The following SHC2 variants were observed in gnomAD, a reference collection of about 807,000 sequenced individuals.
The protein encoded by SHC2 is SHC adaptor protein 2.
A neutral mutation model predicts 60.6 loss-of-function variants in SHC2; 62 were observed. The ratio of observed to expected loss-of-function variants is 1.02; its 90% CI spans 0.83 to 1.26. SHC2 has a LOEUF of 1.26. Among genes scored for constraint, SHC2 ranks in the 50% most tolerant of loss-of-function variants. SHC2 has a pLI of 0.00. For missense variants in SHC2, 873 were observed against 822.2 expected, an observed-to-expected ratio of 1.06 and a Z score of -0.76; for synonymous variants, 375 against 372.4, an observed-to-expected ratio of 1.01 and a Z score of -0.08.
At chr19:418,852 C>T (rs1974209309) in intron 12 of SHC2, 71 bp downstream of exon 12, 1 of 1,508,050 alleles carries the variant, frequency 6.6e-7, no homozygotes, top group South Asian at 1.2e-5. Flanking sequence ...TGAACCGGGT[C>T]TCAATTTTCA....
In SHC2 at chr19:434,488, GTGAGTGAAATCA is replaced by G. The variant is rs1249735900; in HGVS notation, c.1110+209_1110+220del. 6.4e-3 allele frequency among the ~76,000 whole-genome samples: 533 copies of G among 83,862 alleles called. 2 individuals carry two copies. Among genetic ancestry groups the G allele is most frequent in the African/African-American group, 0.023 (510 of 21,842 alleles). 55.0% of individuals were successfully genotyped at this position (83,862 alleles called of 152,430 possible). ...AGTGAGTGAGATCGTGAGTCTGTGA[GTGAGTGAAATCA>G]TGAGTGAGATCGTGAGCCTGTGAGA... On this transcript the variant is annotated intron_variant, in intron 8 of 12. Coordinates refer to ENST00000264554, the MANE Select transcript of SHC2 (RefSeq NM_012435.3).
chr19:459,824 G>A (rs1388689479), intron 1 of SHC2, among the ~76,000 whole-genome samples: 5 of 152,184 alleles, frequency 3.3e-5, no homozygotes, highest in African/African-American at 1.2e-4. Context: ...TGCAGCTGTA[G>A]GACAGCTGCT....
rs1365702561 is a variant in SHC2, at chr19:438,479, C to A, written c.720+239G>T. On this transcript the variant is annotated intron_variant, in intron 4 of 12. Coordinates refer to ENST00000264554, the MANE Select transcript of SHC2 (RefSeq NM_012435.3). This position sits in a 1 kb window ranked among gnomAD's most constrained non-coding sequence, Gnocchi z 5.0. The stretch of plus-strand genomic sequence containing the variant: ...GGGTGCTGAGCAGCGTCCCTGCCCC[C>A]ACCCACTCCATGCCAGGAGCGCCCC... Among the ~76,000 whole-genome samples the A allele has an allele frequency of 6.6e-6, 1 of 152,230 alleles. No individual in the cohort carries two copies. Among genetic ancestry groups the A allele is most frequent in the African/African-American group, 2.4e-5 (1 of 41,456 alleles).
intron 8 of SHC2, 46 bp from the exon 9 acceptor site, chr19:430,793 C>A (rs1401863109): frequency 6.3e-7 from 1 of 1,580,758 alleles, no homozygotes; most frequent in Admixed American, 1.7e-5. Context: ...GCAAGCCCCT[C>A]TTCCTGGCTC....
At chr19:448,049 G>A (rs1171246605) in intron 1 of SHC2, among the ~76,000 whole-genome samples, 1 of 152,200 alleles carries the variant, frequency 6.6e-6, no homozygotes, top group Non-Finnish European at 1.5e-5. Flanking sequence ...CGCAGGCAGC[G>A]CTTGGGCTGG....
chr19:424,875 C>T lies in SHC2; in HGVS notation c.1309+222G>A, dbSNP rs1341929545. Among the ~76,000 whole-genome samples, 1 of 152,200 alleles carries T rather than the reference C, an allele frequency of 6.6e-6. No individual in the cohort carries two copies. The highest frequency in any genetic ancestry group is 1.5e-5 in the Non-Finnish European group (1 of 68,030). ...TGGGCCTCCCCTGTCAGACTGGCCC[C>T]TTTTAAGGCAGAGTCCAGGACACCC... is the stretch of plus-strand genomic sequence containing the variant. On this transcript the variant is annotated intron_variant, in intron 10 of 12. Coordinates refer to ENST00000264554, the MANE Select transcript of SHC2 (RefSeq NM_012435.3). The surrounding 1 kb of genome is among the most constrained non-coding windows in gnomAD (Gnocchi z 4.5).
At chr19:455,271 G>A (rs998279714) in intron 1 of SHC2, among the ~76,000 whole-genome samples, 2 of 152,078 alleles carry the variant, frequency 1.3e-5, no homozygotes, top group African/African-American at 2.4e-5. Flanking sequence ...CAGGTCTGTG[G>A]TGACAGCCCT....
rs1296886181 is a variant in SHC2, at chr19:438,429, GGGGT to G, written c.720+285_720+288del. ...TGGATGTTGGGACGGACCACTCTCT[GGGGT>G]GGGGCGTCCTGGCCCCTGCAGGGTG... On this transcript the variant is annotated intron_variant, in intron 4 of 12. Transcript: ENST00000264554. This position sits in a 1 kb window ranked among gnomAD's most constrained non-coding sequence, Gnocchi z 5.0. Among the ~76,000 whole-genome samples, 5 of 152,198 alleles carry G rather than the reference GGGGT, an allele frequency of 3.3e-5. No homozygotes were observed. The highest frequency in any genetic ancestry group is 7.3e-5 in the Non-Finnish European group (5 of 68,034).
intron 1 of SHC2, among the ~76,000 whole-genome samples, chr19:458,566 TG>T (rs1975441940): frequency 1.4e-5 from 1 of 72,608 alleles, no homozygotes; most frequent in Non-Finnish European, 2.7e-5. Flanking sequence ...AAGCGGGTCC[TG>T]GGGAGGCGGA....
intron 8 of SHC2, among the ~76,000 whole-genome samples, chr19:433,474 G>A (rs76991089): frequency 1.5e-3 from 30 of 19,708 alleles, no homozygotes; most frequent in South Asian, 5.6e-3. Flanking sequence ...GAGTGAGATC[G>A]TGAGTGAGAG....
intron 1 of SHC2, among the ~76,000 whole-genome samples, chr19:452,789 G>A (rs1600323705): frequency 6.6e-6 from 1 of 152,318 alleles, no homozygotes; most frequent in East Asian, 1.9e-4. Context: ...GAATCACCTG[G>A]AGGACTCACA....
chr19:440,849 G>T lies in SHC2; in HGVS notation c.539+13C>A. ...CTCAGCCCTACGCGGCCAGGGCAGG[G>T]TTGGAGGCTCACCTGGTCACCTGCG... On this transcript the variant is annotated intron_variant, in intron 2 of 12. Coordinates refer to ENST00000264554, the MANE Select transcript of SHC2 (RefSeq NM_012435.3). This position sits in a 1 kb window ranked among gnomAD's most constrained non-coding sequence, Gnocchi z 7.0. 6.2e-7 allele frequency: 1 copy of T among 1,611,372 alleles called. No homozygotes were observed. The highest frequency in any genetic ancestry group is 8.5e-7 in the Non-Finnish European group (1 of 1,178,594).
chr19:458,051 G>T (rs1474557257), intron 1 of SHC2, among the ~76,000 whole-genome samples: 2 of 135,470 alleles, frequency 1.5e-5, no homozygotes, highest in African/African-American at 5.2e-5. Context: ...GGAGGCGGAA[G>T]CGGGTCTTGG....
rs766125504 is a variant in SHC2, at chr19:422,458, TGC to T, written c.1310-4_1310-3del. 6.4e-5 allele frequency: 98 copies of T among 1,534,390 alleles called. No homozygotes were observed. The highest frequency in any genetic ancestry group is 2.7e-4 in the South Asian group (21 of 78,660). On this transcript the variant is annotated splice_region_variant and splice_polypyrimidine_tract_variant and intron_variant, in intron 10 of 12. Transcript: ENST00000264554. This position sits in a 1 kb window ranked among gnomAD's most constrained non-coding sequence, Gnocchi z 5.0. ...ACTTCAGGGCATCCTCAAAGGGTCC[TGC>T]AGGCCAGGGACAGGAGTGCTGGGCA...
intron 2 of SHC2, chr19:439,382 C>A (rs1443560501): frequency 9.3e-6 from 3 of 322,904 alleles, no homozygotes; most frequent in African/African-American, 2.1e-5. Flanking sequence ...CCTCGGCCCA[C>A]AAGGAAGGCT....
chr19:420,546 C>A (rs1188420342), intron 11 of SHC2, among the ~76,000 whole-genome samples: 2 of 152,178 alleles, frequency 1.3e-5, no homozygotes, highest in Non-Finnish European at 2.9e-5. Context: ...CTTTGTAAAC[C>A]TTTAAATGCT....
chr19:434,984 T>C (rs1218828531), intron 7 of SHC2, 119 bp from the exon 8 acceptor site: 1 of 1,049,710 alleles, frequency 9.5e-7, no homozygotes, highest in East Asian at 2.6e-5. Context: ...CCCCCACCTG[T>C]CACTGAGGGT....
At position 446,914 on chromosome 19, in the gene SHC2, G is replaced by C. The variant is rs750962037; in HGVS notation, c.469-5982C>G. Among the ~76,000 whole-genome samples the C allele has an allele frequency of 7.9e-5, 12 of 152,110 alleles. No individual in the cohort carries two copies. The highest frequency in any genetic ancestry group is 1.3e-4 in the Non-Finnish European group (9 of 68,016). ...GTCTGCACTCCCAGCCTGGGAGACCGTCCGAGTCTCCGCCACCGCCCACGC... is the reference window on the plus strand; with the variant it reads ...GTCTGCACTCCCAGCCTGGGAGACCCTCCGAGTCTCCGCCACCGCCCACGC... On this transcript the variant is annotated intron_variant, in intron 1 of 12. Coordinates refer to ENST00000264554, the MANE Select transcript of SHC2 (RefSeq NM_012435.3). The surrounding 1 kb of genome is among the most constrained non-coding windows in gnomAD (Gnocchi z 5.4).
At chr19:458,265 G>C (rs1384663853) in intron 1 of SHC2, among the ~76,000 whole-genome samples, 4 of 135,128 alleles carry the variant, frequency 3.0e-5, no homozygotes, top group Non-Finnish European at 4.8e-5. Context: ...AGGCGGAAGC[G>C]GGTCTTGGGG....
Sources: allele counts gnomAD v4.1 joint callset (sites outside exome capture counted in the v4.1 genomes callset), GRCh38; gene constraint gnomAD v4.1.1; non-coding constraint Gnocchi (gnomAD v3.1); transcripts MANE v1.5; gene names NCBI Gene and HGNC (gene_info 2026-07-23, HGNC 2026-07-21).